NRF1: variants seen among roughly 807,000 people sequenced by gnomAD.
The protein encoded by NRF1 is nuclear respiratory factor 1.
In NRF1, 5 loss-of-function variants were observed where a neutral mutation model predicts 58.5. The observed-to-expected ratio is 0.09, with a 90% CI of 0.04 to 0.18. The LOEUF (loss-of-function observed/expected upper bound fraction) is 0.18. Among genes scored for constraint, NRF1 ranks in the 10% least tolerant of loss-of-function variants. The probability of loss-of-function intolerance (pLI) is 1.00; values close to 1 mark genes in which losing one functional copy is unlikely to be tolerated. For synonymous variants in NRF1, 224 were observed against 246.7 expected (o/e 0.91, Z 0.86); for missense variants, 288 against 657.7 (o/e 0.44, Z 6.15).
At chr7:129,731,809 C>T (rs1203553077) in intron 10 of NRF1, among the ~76,000 whole-genome samples, 1 of 152,010 alleles carries the variant, frequency 6.6e-6, no homozygotes, top group Non-Finnish European at 1.5e-5. Context: ...ATGGGATCTC[C>T]CTTTGTTGCC....
At chr7:129,735,124 C>T (rs1401472183) in intron 10 of NRF1, 3 of 985,344 alleles carry the variant, frequency 3.0e-6, no homozygotes, top group Non-Finnish European at 3.6e-6. Flanking sequence ...ACATCTGTCT[C>T]CGCTGGTCAG....
chr7:129,654,647 T>C (rs1354021035), intron 1 of NRF1, among the ~76,000 whole-genome samples: 1 of 152,248 alleles, frequency 6.6e-6, no homozygotes, highest in Non-Finnish European at 1.5e-5. Flanking sequence ...TGAAGGTCTA[T>C]GTCTAGATTT....
intron 1 of NRF1, among the ~76,000 whole-genome samples, chr7:129,647,260 G>T (rs1188385421): frequency 2.0e-5 from 3 of 151,948 alleles, no homozygotes; most frequent in Admixed American, 1.3e-4. Flanking sequence ...GCTGACTCCA[G>T]ACCTCGCGAT....
intron 9 of NRF1, among the ~76,000 whole-genome samples, chr7:129,720,148 CTT>C (rs1333233773): frequency 6.6e-6 from 1 of 152,192 alleles, no homozygotes; most frequent in Non-Finnish European, 1.5e-5. Flanking sequence ...GTTGAAATCT[CTT>C]TGCAATCAGG....
At chr7:129,613,895 C>T (rs556762669) in intron 1 of NRF1, among the ~76,000 whole-genome samples, 4 of 151,878 alleles carry the variant, frequency 2.6e-5, no homozygotes, top group Admixed American at 2.6e-4. Context: ...CACTCCAGCC[C>T]GGGGGACAAG....
intron 5 of NRF1, among the ~76,000 whole-genome samples, chr7:129,691,471 C>T (rs546914259): frequency 8.3e-4 from 125 of 150,702 alleles, no homozygotes; most frequent in African/African-American, 1.2e-3. Context: ...AAGCGCTACT[C>T]GTGCCTCCGA....
chr7:129,690,747 G>A (rs1240185576), intron 5 of NRF1, among the ~76,000 whole-genome samples: 3 of 152,072 alleles, frequency 2.0e-5, no homozygotes, highest in African/African-American at 7.2e-5. Context: ...GCATGGCTGT[G>A]GTCTCCTCTT....
chr7:129,682,547 A>C (rs1166353759), intron 4 of NRF1, among the ~76,000 whole-genome samples: 1 of 151,692 alleles, frequency 6.6e-6, no homozygotes, highest in Non-Finnish European at 1.5e-5. Flanking sequence ...AAATATAAAC[A>C]AGAATATAGA....
chr7:129,714,305 A>G (rs74598514), intron 8 of NRF1, among the ~76,000 whole-genome samples: 1 of 152,176 alleles, frequency 6.6e-6, no homozygotes, highest in Admixed American at 6.5e-5. Context: ...GTTGTAACTA[A>G]AAGTATCTAT....
chr7:129,687,359 T>C (rs542562996), intron 4 of NRF1, among the ~76,000 whole-genome samples: 42 of 148,700 alleles, frequency 2.8e-4, no homozygotes, highest in Admixed American at 4.8e-4. Flanking sequence ...CACTGCAACC[T>C]CCACCTCCCG....
At chr7:129,710,113 A>C (rs533715252) in intron 6 of NRF1, among the ~76,000 whole-genome samples, 4 of 152,288 alleles carry the variant, frequency 2.6e-5, no homozygotes, top group Non-Finnish European at 2.9e-5. Flanking sequence ...TCTTTGCAAG[A>C]AGTTTAAGAG....
chr7:129,717,983 C>A (rs533796771), intron 9 of NRF1, among the ~76,000 whole-genome samples: 1 of 152,276 alleles, frequency 6.6e-6, no homozygotes, highest in South Asian at 2.1e-4. Context: ...GTTGCCCTTG[C>A]TTATCAGCGA....
chr7:129,745,231 C>CTGAG lies in NRF1; in HGVS notation c.1349-9784_1349-9781dup, dbSNP rs1327678582. The stretch of plus-strand genomic sequence containing the variant: ...TATCCTCTGGGACACAGACTTCAAC[C>CTGAG]TGAGTGTTGTTCCCACCCTTCTTCC... On this transcript the variant is annotated intron_variant, in intron 10 of 10. Transcript: ENST00000393232. 4.6e-5 allele frequency among the ~76,000 whole-genome samples: 7 copies of CTGAG among 152,204 alleles called. No individual in the cohort carries two copies. In the East Asian group the frequency reaches 1.4e-3, roughly 29 times the overall value.
intron 10 of NRF1, among the ~76,000 whole-genome samples, chr7:129,748,586 A>G (rs1804038670): frequency 1.3e-5 from 2 of 152,252 alleles, no homozygotes; most frequent in Admixed American, 1.3e-4. Context: ...GGGATAGTGT[A>G]GGGTGTTAGC....
intron 1 of NRF1, among the ~76,000 whole-genome samples, chr7:129,627,755 T>C (rs957957184): frequency 6.6e-6 from 1 of 152,208 alleles, no homozygotes; most frequent in Non-Finnish European, 1.5e-5. Context: ...GGTCACTTAT[T>C]TAGAAAGCAA....
rs560774800 is a variant in NRF1, at chr7:129,663,680, C to T, written c.223+6106C>T. Among the ~76,000 whole-genome samples the T allele has an allele frequency of 1.1e-4, 17 of 150,182 alleles. No homozygotes were observed. In the East Asian group the frequency reaches 3.4e-3, roughly 30 times the overall value. ...GCAGAGGGGCTCCTCACATCCCAGACGATGGGCGGCCAGGCAGAGACGCTG... is the reference window on the plus strand; with the variant it reads ...GCAGAGGGGCTCCTCACATCCCAGATGATGGGCGGCCAGGCAGAGACGCTG... On this transcript the variant is annotated intron_variant, in intron 2 of 10. Coordinates refer to ENST00000393232, the MANE Select transcript of NRF1 (RefSeq NM_005011.5).
intron 9 of NRF1, among the ~76,000 whole-genome samples, chr7:129,722,038 A>G (rs1402944330): frequency 2.0e-5 from 3 of 152,214 alleles, no homozygotes; most frequent in African/African-American, 7.2e-5. Flanking sequence ...CTTTTGTCTA[A>G]AAATTGTGAA....
intron 9 of NRF1, among the ~76,000 whole-genome samples, chr7:129,721,334 T>C (rs1049364182): frequency 2.0e-5 from 3 of 152,182 alleles, no homozygotes; most frequent in African/African-American, 7.2e-5. Context: ...ATTGTGTGTC[T>C]ACTGTGTGCA....
intron 4 of NRF1, among the ~76,000 whole-genome samples, chr7:129,679,573 CTT>C (rs1270372897): frequency 1.4e-5 from 2 of 143,006 alleles, no homozygotes; most frequent in African/African-American, 2.6e-5. Flanking sequence ...TACAAAAAAA[CTT>C]AGCCGGGCCT....
Sources: gnomAD v4.1 joint callset for allele counts (sites outside exome capture counted in the v4.1 genomes callset) on GRCh38, gnomAD v4.1.1 for gene constraint, MANE v1.5 for transcripts, NCBI Gene and HGNC (gene_info 2026-07-23, HGNC 2026-07-21) for gene names.